The following JAZF1 variants were observed in gnomAD, a reference collection of about 807,000 sequenced individuals.
JAZF1 encodes JAZF zinc finger 1.
Under a neutral mutation model 26.4 loss-of-function variants are expected in JAZF1, and 8 were observed. That is an observed-to-expected ratio of 0.30 (90% confidence interval 0.18 to 0.55). JAZF1 has a LOEUF of 0.55. Among genes scored for constraint, JAZF1 ranks in the 20% least tolerant of loss-of-function variants. JAZF1 has a pLI of 0.94. For synonymous variants in JAZF1, 126 were observed against 122.3 expected (o/e 1.03, Z -0.20); for missense variants, 199 against 322.0 (o/e 0.62, Z 2.92).
intron 1 of JAZF1, among the ~76,000 whole-genome samples, chr7:28,130,482 A>G (rs1782775533): frequency 6.6e-6 from 1 of 152,190 alleles, no homozygotes; most frequent in African/African-American, 2.4e-5. Context: ...AAAGAATGTG[A>G]GTTTACGTAA....
At chr7:28,157,990 C>T (rs1029352387) in intron 1 of JAZF1, among the ~76,000 whole-genome samples, 6 of 151,968 alleles carry the variant, frequency 3.9e-5, no homozygotes, top group Non-Finnish European at 7.4e-5. Context: ...GTTCCTGCAG[C>T]AGGGATTGCC....
At chr7:28,006,774 T>C (rs1383595067) in intron 1 of JAZF1, among the ~76,000 whole-genome samples, 1 of 152,218 alleles carries the variant, frequency 6.6e-6, no homozygotes, top group Non-Finnish European at 1.5e-5. Context: ...TGAGTAGAAA[T>C]AACTTGTTTC....
At chr7:28,138,822 T>C (rs1039709312) in intron 1 of JAZF1, among the ~76,000 whole-genome samples, 2 of 152,216 alleles carry the variant, frequency 1.3e-5, no homozygotes, top group African/African-American at 4.8e-5. Context: ...TTACCACTTG[T>C]GAGTATGGAT....
At chr7:27,862,026 C>T (rs1003827038) in intron 3 of JAZF1, among the ~76,000 whole-genome samples, 1 of 152,098 alleles carries the variant, frequency 6.6e-6, no homozygotes, top group East Asian at 1.9e-4. Flanking sequence ...TGCTCTGTCA[C>T]GGGAGGGATG....
At chr7:27,953,527 G>T (rs1290456871) in intron 2 of JAZF1, among the ~76,000 whole-genome samples, 3 of 152,194 alleles carry the variant, frequency 2.0e-5, no homozygotes, top group Admixed American at 1.3e-4. Context: ...TGAGAGGGCA[G>T]TAGGCTTCAA....
At chr7:28,041,124 G>T (rs1783382918) in intron 1 of JAZF1, among the ~76,000 whole-genome samples, 1 of 152,178 alleles carries the variant, frequency 6.6e-6, no homozygotes, top group Non-Finnish European at 1.5e-5. Flanking sequence ...TAATCAGAGA[G>T]AGTATTTGGA....
intron 1 of JAZF1, among the ~76,000 whole-genome samples, chr7:28,006,246 G>A (rs1188476288): frequency 6.6e-6 from 1 of 152,162 alleles, no homozygotes; most frequent in African/African-American, 2.4e-5. Flanking sequence ...GTGTGCTCCT[G>A]TAGTCCCAGC....
At position 28,158,151 on chromosome 7, in the gene JAZF1, A is replaced by G. The variant is rs576658003; in HGVS notation, c.115+22312T>C. ...GAGACCACATTGAAAACACGCGCGC[A>G]CACACACACACACACAAACACACAC... On this transcript the variant is annotated intron_variant, in intron 1 of 4. Coordinates refer to ENST00000283928, the MANE Select transcript of JAZF1 (RefSeq NM_175061.4). Among the ~76,000 whole-genome samples the G allele has an allele frequency of 2.2e-3, 221 of 101,850 alleles. 1 individual carries two copies. The highest frequency in any genetic ancestry group is 6.9e-3 in the African/African-American group (176 of 25,602). The allele number at this position is 101,850 out of a possible 152,430, so 66.8% of individuals were successfully genotyped here.
At chr7:27,838,877 C>T (rs1294639144) in intron 4 of JAZF1, among the ~76,000 whole-genome samples, 2 of 152,154 alleles carry the variant, frequency 1.3e-5, no homozygotes, top group Non-Finnish European at 2.9e-5. Context: ...AACTGCCACC[C>T]ATGTCACCTG....
chr7:28,143,095 A>T (rs2127946093), intron 1 of JAZF1, among the ~76,000 whole-genome samples: 1 of 152,314 alleles, frequency 6.6e-6, no homozygotes, highest in Non-Finnish European at 1.5e-5. Context: ...GTTTAAGCCT[A>T]GGTCCAACCC....
intron 2 of JAZF1, among the ~76,000 whole-genome samples, chr7:27,976,755 T>C (rs1441917470): frequency 1.3e-5 from 2 of 152,070 alleles, no homozygotes; most frequent in Non-Finnish European, 2.9e-5. Context: ...TTCAGGCTTG[T>C]TTGTATTAAA....
intron 2 of JAZF1, among the ~76,000 whole-genome samples, chr7:27,923,321 G>A (rs567485563): frequency 1.3e-4 from 20 of 152,326 alleles, no homozygotes; most frequent in African/African-American, 4.3e-4. Context: ...AAAACGTCGA[G>A]TTTCCAGATT....
intron 2 of JAZF1, among the ~76,000 whole-genome samples, chr7:27,942,668 T>C (rs1488469423): frequency 6.6e-6 from 1 of 152,184 alleles, no homozygotes; most frequent in East Asian, 1.9e-4. Flanking sequence ...CACCCACTTC[T>C]CAAAACAGAG....
At chr7:27,975,034 G>A (rs577514858) in intron 2 of JAZF1, among the ~76,000 whole-genome samples, 3 of 152,008 alleles carry the variant, frequency 2.0e-5, no homozygotes, top group African/African-American at 7.2e-5. Context: ...ACAGGCATGT[G>A]CCACCATGCC....
chr7:27,874,847 CCAGAAAA>C (rs1210142766), intron 3 of JAZF1, among the ~76,000 whole-genome samples: 3 of 152,092 alleles, frequency 2.0e-5, no homozygotes, highest in Admixed American at 6.5e-5. Flanking sequence ...AAGCCTGGCC[CCAGAAAA>C]CAGAAAACAA....
intron 2 of JAZF1, among the ~76,000 whole-genome samples, chr7:27,902,749 G>A (rs1477278911): frequency 1.3e-5 from 2 of 152,174 alleles, no homozygotes; most frequent in Non-Finnish European, 2.9e-5. Context: ...GGGCACGGTG[G>A]CTCACGCCTG....
chr7:28,071,953 G>A (rs944570903), intron 1 of JAZF1, among the ~76,000 whole-genome samples: 67 of 152,286 alleles, frequency 4.4e-4, no homozygotes, highest in African/African-American at 1.4e-3. Flanking sequence ...TTGTCAGAAG[G>A]CAGAAAATGT....
chr7:28,083,019 A>C (rs149742405), intron 1 of JAZF1, among the ~76,000 whole-genome samples: 24 of 152,286 alleles, frequency 1.6e-4, no homozygotes, highest in South Asian at 2.1e-4. Context: ...TCATGGAAAC[A>C]CATTTTCTCA....
intron 1 of JAZF1, among the ~76,000 whole-genome samples, chr7:28,021,683 G>C (rs1275468291): frequency 6.6e-6 from 1 of 152,192 alleles, no homozygotes; most frequent in African/African-American, 2.4e-5. Flanking sequence ...CTCCTGACCA[G>C]CTCTTGCTCC....
Sources: allele counts gnomAD v4.1 joint callset (sites outside exome capture counted in the v4.1 genomes callset), GRCh38; gene constraint gnomAD v4.1.1; transcripts MANE v1.5; gene names NCBI Gene and HGNC (gene_info 2026-07-23, HGNC 2026-07-21).